The following GABRB2 variants were observed in gnomAD, a reference collection of about 807,000 sequenced individuals.
GABRB2 encodes the protein gamma-aminobutyric acid type A receptor subunit beta2, also known as gamma-aminobutyric acid receptor subunit beta-2.
A neutral mutation model predicts 54.7 loss-of-function variants in GABRB2; 16 were observed. That is an observed-to-expected ratio of 0.29 (90% CI 0.20 to 0.44). GABRB2 has a LOEUF of 0.44. Among genes scored for constraint, GABRB2 ranks in the 20% least tolerant of loss-of-function variants. The probability of loss-of-function intolerance (pLI) is 1.00; values close to 1 mark genes in which losing one functional copy is unlikely to be tolerated. For missense variants in GABRB2, 355 were observed against 644.0 expected, an observed-to-expected ratio of 0.55 and a Z score of 4.86; for synonymous variants, 244 against 233.8, an observed-to-expected ratio of 1.04 and a Z score of -0.40.
chr5:161,453,854 T>A lies in GABRB2; in HGVS notation c.458+5770A>T, dbSNP rs563392904. Among the ~76,000 whole-genome samples the A allele has an allele frequency of 2.0e-5, 3 of 151,966 alleles. No individual in the cohort carries two copies. The East Asian group carries it at 5.8e-4, about 30-fold the overall frequency. Reference sequence around the variant, plus strand: ...GAGTTGAAGACCAGCCTGGCCAACATGTTGAAACCCTGTCTCTACTAAAAA... The same window carrying A: ...GAGTTGAAGACCAGCCTGGCCAACAAGTTGAAACCCTGTCTCTACTAAAAA... On this transcript the variant is annotated intron_variant, in intron 4 of 9. Transcript: ENST00000393959.
intron 9 of GABRB2, among the ~76,000 whole-genome samples, chr5:161,297,477 C>T (rs1757415207): frequency 6.6e-6 from 1 of 152,058 alleles, no homozygotes; most frequent in South Asian, 2.1e-4. Flanking sequence ...GTTCCCTTCC[C>T]TGTGTCTATG....
Position 161,288,690 on chromosome 5 carries a change from C to T in GABRB2, c.*5391G>A, listed in dbSNP as rs939079021. The T allele has an allele frequency of 6.6e-6, 1 of 152,368 alleles. No individual in the cohort carries two copies. The highest frequency in any genetic ancestry group is 1.5e-5 in the Non-Finnish European group (1 of 68,000). The allele number at this position is 152,368 out of a possible 1,614,324, so 9.4% of individuals were successfully genotyped here. ...ATTTTTCTAGCCATCGGAAAATGTG[C>T]ATTATGTGCATATTAAGAAAGGCTA... On this transcript the variant is annotated 3_prime_UTR_variant, in exon 10 of 10. Transcript: ENST00000393959.
At position 161,291,151 on chromosome 5, in the gene GABRB2, A is replaced by G. The variant is rs551928142; in HGVS notation, c.*2930T>C. On this transcript the variant is annotated 3_prime_UTR_variant, in exon 10 of 10. Coordinates refer to ENST00000393959, the MANE Select transcript of GABRB2 (RefSeq NM_001371727.1). ...TCATGTACAATATATATATATACAG[A>G]TTGAGATCAAAGATTTCATGTAGAC... The G allele has an allele frequency of 6.5e-6, 1 of 152,674 alleles. No individual in the cohort carries two copies. Among genetic ancestry groups the G allele is most frequent in the Admixed American group, 6.5e-5 (1 of 15,282 alleles). The allele number at this position is 152,674 out of a possible 1,614,324, so 9.5% of individuals were successfully genotyped here. A position where few individuals can be genotyped will look rare whatever the true frequency, so the allele number is the denominator to read the frequency against.
chr5:161,442,929 G>A (rs183479306), intron 4 of GABRB2, among the ~76,000 whole-genome samples: 37 of 152,208 alleles, frequency 2.4e-4, no homozygotes, highest in African/African-American at 8.7e-4. Flanking sequence ...ATAAGAAAAT[G>A]AAAGCCACAT....
chr5:161,293,785 T>A lies in GABRB2; in HGVS notation c.*296A>T. ...GAGCCTTCTAAGAATATCTTCCAAATTATTCCCCTCTGAGTAGGCTGCATA... is the reference window on the plus strand; with the variant it reads ...GAGCCTTCTAAGAATATCTTCCAAAATATTCCCCTCTGAGTAGGCTGCATA... On this transcript the variant is annotated 3_prime_UTR_variant, in exon 10 of 10. Transcript: ENST00000393959. The A allele has an allele frequency of 3.1e-6, 1 of 317,606 alleles. No homozygotes were observed. Among genetic ancestry groups the A allele is most frequent in the Non-Finnish European group, 5.8e-6 (1 of 171,936 alleles). The allele number at this position is 317,606 out of a possible 1,614,324, so 19.7% of individuals were successfully genotyped here.
chr5:161,452,938 G>A (rs945700894), intron 4 of GABRB2, among the ~76,000 whole-genome samples: 2 of 152,176 alleles, frequency 1.3e-5, no homozygotes, highest in Non-Finnish European at 2.9e-5. Flanking sequence ...AGAGGTTGCT[G>A]TGAGTCGAGA....
chr5:161,331,939 G>A (rs1753856477), intron 7 of GABRB2, among the ~76,000 whole-genome samples: 1 of 152,012 alleles, frequency 6.6e-6, no homozygotes, highest in South Asian at 2.1e-4. Flanking sequence ...GCCGAGGCGG[G>A]TGGATCACGA....
rs1236064276 is a variant in GABRB2 at position 161,463,555 on chromosome 5, T to TATA, written c.238-3712_238-3711insTAT. Among the ~76,000 whole-genome samples, 219 of 23,552 alleles carry TATA rather than the reference T, an allele frequency of 9.3e-3. 9 individuals carry two copies. The highest frequency in any genetic ancestry group is 0.012 in the Non-Finnish European group (168 of 13,944). The allele number at this position is 23,552 out of a possible 152,430, so 15.5% of individuals were successfully genotyped here. Reference sequence around the variant, plus strand: ...ACAAGGTGATTCCAAATATTTTTATTTATATATATATATATATATATATAT... The same window carrying TATA: ...ACAAGGTGATTCCAAATATTTTTATTATATATATATATATATATATATATATAT... On this transcript the variant is annotated intron_variant, in intron 3 of 9. Coordinates refer to ENST00000393959, the MANE Select transcript of GABRB2 (RefSeq NM_001371727.1).
intron 3 of GABRB2, among the ~76,000 whole-genome samples, chr5:161,537,115 C>G (rs1760661341): frequency 6.6e-6 from 1 of 152,170 alleles, no homozygotes. Flanking sequence ...GGTTTTAAGA[C>G]ATGATTATCT....
chr5:161,326,434 C>G lies in GABRB2; in HGVS notation c.1125G>C (p.Leu375Phe). The change falls in exon 9 of 10, where the codon TTG (leucine) becomes TTC (phenylalanine). Residue 375 changes from leucine to phenylalanine, a missense_variant. Leu to Phe is a conservative substitution (Grantham distance 22). Around this residue, in one of 6 missense-constraint regions of GABRB2, gnomAD observed 201 missense variants for 228.1 expected, o/e 0.88. Coordinates refer to ENST00000393959, the MANE Select transcript of GABRB2 (RefSeq NM_001371727.1). Reference protein sequence around the residue: ...IKQNGTQYRSLWDPTGNLSPT... With the variant: ...IKQNGTQYRSFWDPTGNLSPT... ...GGGAGAGGTTTCCAGTAGGGTCCCA[C>G]AAGGATCGATATTGGGTCCCATTTT... 1 of 1,613,616 alleles carries G rather than the reference C, an allele frequency of 6.2e-7. No individual in the cohort carries two copies. Among genetic ancestry groups the G allele is most frequent in the Middle Eastern group, 1.6e-4 (1 of 6,062 alleles).
intron 3 of GABRB2, among the ~76,000 whole-genome samples, chr5:161,483,534 T>C (rs1168150835): frequency 1.3e-5 from 2 of 150,782 alleles, no homozygotes; most frequent in Non-Finnish European, 3.0e-5. Context: ...AACAGTGTTA[T>C]AAAAAAGAGA....
intron 3 of GABRB2, among the ~76,000 whole-genome samples, chr5:161,513,097 T>C (rs575174603): frequency 4.0e-5 from 6 of 149,274 alleles, no homozygotes; most frequent in Non-Finnish European, 5.9e-5. Flanking sequence ...GGTGGGGCTG[T>C]GGATAAAAGG....
chr5:161,387,833 T>G (rs1419512158), intron 5 of GABRB2, among the ~76,000 whole-genome samples: 11 of 152,222 alleles, frequency 7.2e-5, no homozygotes, highest in African/African-American at 2.7e-4. Context: ...TAGAAATTTT[T>G]TAAATGGCAT....
At chr5:161,503,504 T>G (rs1581039660) in intron 3 of GABRB2, among the ~76,000 whole-genome samples, 1 of 151,276 alleles carries the variant, frequency 6.6e-6, no homozygotes, top group African/African-American at 2.4e-5. Flanking sequence ...AGGTTGGGAG[T>G]TTGAGAACAG....
intron 3 of GABRB2, among the ~76,000 whole-genome samples, chr5:161,541,576 C>T (rs985555842): frequency 6.6e-6 from 1 of 152,224 alleles, no homozygotes; most frequent in Non-Finnish European, 1.5e-5. Context: ...GCTAATACAC[C>T]TTGCACTTTT....
chr5:161,332,525 G>T (rs1251168979), intron 7 of GABRB2, among the ~76,000 whole-genome samples: 1 of 152,186 alleles, frequency 6.6e-6, no homozygotes, highest in Non-Finnish European at 1.5e-5. Context: ...CCTCTAAGCT[G>T]TAATCGGAAG....
intron 9 of GABRB2, among the ~76,000 whole-genome samples, chr5:161,321,584 C>T (rs1424929837): frequency 6.6e-6 from 1 of 152,104 alleles, no homozygotes; most frequent in Non-Finnish European, 1.5e-5. Context: ...GAAGCTATTC[C>T]TTAATACCTT....
intron 9 of GABRB2, among the ~76,000 whole-genome samples, chr5:161,314,975 C>T (rs1208315405): frequency 1.3e-5 from 2 of 151,900 alleles, no homozygotes; most frequent in Non-Finnish European, 2.9e-5. Flanking sequence ...GCACATTTTT[C>T]CTTAAAGGCT....
chr5:161,415,983 T>C (rs2962423), intron 4 of GABRB2, among the ~76,000 whole-genome samples: 151,507 of 152,042 alleles, frequency 1, 75,489 homozygotes, highest in East Asian at 1. Flanking sequence ...CTGTCATCCA[T>C]GCTGGAGGGC....
Sources: gnomAD v4.1 joint callset for allele counts (sites outside exome capture counted in the v4.1 genomes callset) on GRCh38, gnomAD v4.1.1 for gene constraint, gnomAD v4.1.1 regional missense constraint, MANE v1.5 for transcripts, NCBI Gene and HGNC (gene_info 2026-07-23, HGNC 2026-07-21) for gene names.